Variants in IQCK observed in about 807,000 individuals in gnomAD.
IQCK encodes the protein IQ motif containing K.
IQCK carries 29 observed loss-of-function variants against 28.1 expected under a neutral mutation model. That is an observed-to-expected ratio of 1.03 (90% CI 0.77 to 1.41). The LOEUF is 1.41. Among genes scored for constraint, IQCK ranks in the 40% most tolerant of loss-of-function variants. The pLI, the probability that IQCK is intolerant of heterozygous loss-of-function variation, is 0.00. For synonymous variants in IQCK, 113 were observed against 115.1 expected (o/e 0.98, Z 0.12); for missense variants, 359 against 314.7 (o/e 1.14, Z -1.07).
intron 4 of IQCK, among the ~76,000 whole-genome samples, chr16:19,745,701 T>C (rs2151694162): frequency 6.6e-6 from 1 of 152,226 alleles, no homozygotes; most frequent in Middle Eastern, 3.4e-3. Context: ...TAACGATTTA[T>C]TATTTTTCAT....
chr16:19,811,701 T>C (rs914849780), intron 7 of IQCK, among the ~76,000 whole-genome samples: 3 of 152,192 alleles, frequency 2.0e-5, no homozygotes, highest in African/African-American at 7.2e-5. Flanking sequence ...TTTGAAATAA[T>C]CAACGTGCCA....
chr16:19,828,850 CA>C (rs942676181), downstream of IQCK, among the ~76,000 whole-genome samples: 132 of 125,632 alleles, frequency 1.1e-3, no homozygotes, highest in African/African-American at 3.9e-3. Flanking sequence ...GACACCGTCT[CA>C]AAAAAAATAT....
chr16:19,857,466 C>T (rs554677213), exon 10 of IQCK: 1 of 441,048 alleles, frequency 2.3e-6, no homozygotes, highest in East Asian at 7.1e-5. Context: ...ATGCAACAGT[C>T]AGCCGGGGGA....
intron 6 of IQCK, among the ~76,000 whole-genome samples, chr16:19,776,938 A>G (rs761878641): frequency 6.6e-6 from 1 of 152,228 alleles, no homozygotes; most frequent in Non-Finnish European, 1.5e-5. Flanking sequence ...AGAAGAGAAA[A>G]AGTTTAAATT....
At chr16:19,804,905 T>G (rs1381642104) in intron 7 of IQCK, among the ~76,000 whole-genome samples, 1 of 152,196 alleles carries the variant, frequency 6.6e-6, no homozygotes, top group African/African-American at 2.4e-5. Context: ...GTTCCAACAA[T>G]CGTTGTTTAA....
At chr16:19,734,516 C>A (rs1253438655) in intron 3 of IQCK, among the ~76,000 whole-genome samples, 1 of 148,086 alleles carries the variant, frequency 6.8e-6, no homozygotes, top group African/African-American at 2.5e-5. Context: ...ATAACCCTAG[C>A]TACTTGGGAG....
At chr16:19,723,675 C>A (rs187701391) in intron 1 of IQCK, among the ~76,000 whole-genome samples, 13 of 152,114 alleles carry the variant, frequency 8.5e-5, no homozygotes, top group African/African-American at 2.7e-4. Flanking sequence ...GCTTCCTGGC[C>A]GGGCGTGGTA....
chr16:19,773,725 G>A (rs758908851), intron 6 of IQCK, among the ~76,000 whole-genome samples: 3 of 152,156 alleles, frequency 2.0e-5, no homozygotes, highest in African/African-American at 2.4e-5. Flanking sequence ...CATGAGCTAC[G>A]GTTTGTTGAT....
chr16:19,767,902 T>C (rs758117032), intron 6 of IQCK, among the ~76,000 whole-genome samples: 1 of 148,144 alleles, frequency 6.8e-6, no homozygotes, highest in Admixed American at 6.7e-5. Flanking sequence ...AATAAACAAA[T>C]AAATAAATAA....
At chr16:19,735,979 C>A in intron 4 of IQCK, 1 of 390,970 alleles carries the variant, frequency 2.6e-6, no homozygotes, top group Non-Finnish European at 5.0e-6. Context: ...GGCAGGAAGG[C>A]CCCTTGAGGC....
At chr16:19,784,286 C>T (rs566154303) in intron 6 of IQCK, among the ~76,000 whole-genome samples, 2 of 152,002 alleles carry the variant, frequency 1.3e-5, no homozygotes, top group African/African-American at 4.8e-5. Flanking sequence ...ACCCTGACTT[C>T]GATGCTACTG....
chr16:19,814,412 A>G (rs1328717995), intron 7 of IQCK, among the ~76,000 whole-genome samples: 1 of 152,080 alleles, frequency 6.6e-6, no homozygotes. Context: ...AATAAAGAAA[A>G]GAAAAGAAAT....
At chr16:19,718,563 G>A (rs1977341817) in intron 1 of IQCK, 76 bp downstream of exon 1, 2 of 1,344,682 alleles carry the variant, frequency 1.5e-6, no homozygotes, top group African/African-American at 3.1e-5. Context: ...AGCGCCCACT[G>A]TGCGCCTGTC....
intron 6 of IQCK, among the ~76,000 whole-genome samples, chr16:19,771,449 GTGTAA>G (rs1393972537): frequency 6.6e-6 from 1 of 152,172 alleles, no homozygotes; most frequent in Non-Finnish European, 1.5e-5. Context: ...CTACCACGAA[GTGTAA>G]TGGAGAATGT....
chr16:19,718,314 C>A, exon 1 of IQCK: 2 of 1,604,910 alleles, frequency 1.2e-6, no homozygotes, highest in East Asian at 2.3e-5. Flanking sequence ...GCCATGGCGG[C>A]ACCGCGGCAA....
chr16:19,830,194 T>C (rs1016056432), downstream of IQCK, among the ~76,000 whole-genome samples: 4 of 152,236 alleles, frequency 2.6e-5, no homozygotes, highest in Non-Finnish European at 2.9e-5. Flanking sequence ...CTCTGTTCCA[T>C]GCACAACTGC....
chr16:19,734,633 TA>T (rs1013091640), intron 3 of IQCK, among the ~76,000 whole-genome samples: 34 of 149,906 alleles, frequency 2.3e-4, no homozygotes, highest in African/African-American at 8.1e-4. Flanking sequence ...AAAAAAAAAT[TA>T]GCTGGGTGTG....
intron 2 of IQCK, among the ~76,000 whole-genome samples, chr16:19,730,751 A>G (rs992720205): frequency 3.3e-5 from 4 of 122,694 alleles, no homozygotes; most frequent in African/African-American, 1.2e-4. Flanking sequence ...CTGTCTATCT[A>G]TCTATCTTAT....
chr16:19,785,854 G>A (rs569809876), intron 6 of IQCK, among the ~76,000 whole-genome samples: 4 of 152,226 alleles, frequency 2.6e-5, no homozygotes, highest in African/African-American at 7.2e-5. Flanking sequence ...TTGTCCTTTC[G>A]TTTTCAATAA....
Sources: allele counts gnomAD v4.1 joint callset (sites outside exome capture counted in the v4.1 genomes callset), GRCh38; gene constraint gnomAD v4.1.1; transcripts MANE v1.5; gene names NCBI Gene and HGNC (gene_info 2026-07-23, HGNC 2026-07-21).